Variants in ALMS1 observed in about 807,000 individuals in gnomAD.
The protein encoded by ALMS1 is ALMS1 centrosome and basal body associated protein.
ALMS1 carries 271 observed loss-of-function variants against 352.2 expected under a neutral mutation model. That is an observed-to-expected ratio of 0.77 (90% CI 0.70 to 0.85). The LOEUF is 0.85. ALMS1 is among the 40% of genes least tolerant of loss of function. ALMS1 has a pLI of 0.00. For synonymous variants in ALMS1, 1,865 were observed against 1,761.2 expected (o/e 1.06, Z -1.48); for missense variants, 5,445 against 4,870.7 (o/e 1.12, Z -3.51).
chr2:73,596,403 A>G (rs1162466500), intron 16 of ALMS1, among the ~76,000 whole-genome samples: 1 of 151,568 alleles, frequency 6.6e-6, no homozygotes, highest in Non-Finnish European at 1.5e-5. Flanking sequence ...TTTGTTGAAC[A>G]CTAATTGATC....
At chr2:73,562,490 CAGG>C (rs1467182790) in intron 15 of ALMS1, among the ~76,000 whole-genome samples, 1 of 152,014 alleles carries the variant, frequency 6.6e-6, no homozygotes, top group Non-Finnish European at 1.5e-5. Flanking sequence ...TGCTAAAAGA[CAGG>C]GGGACAGGCA....
chr2:73,486,314 C>G lies in ALMS1; in HGVS notation c.7675-3320C>G, dbSNP rs186208555. Among the ~76,000 whole-genome samples, 4 of 152,220 alleles carry G rather than the reference C, an allele frequency of 2.6e-5. No homozygotes were observed. In the East Asian group the frequency reaches 7.7e-4, roughly 29 times the overall value. On this transcript the variant is annotated intron_variant, in intron 9 of 22. Transcript: ENST00000613296. ...GTCTAGGTAGGCTTCGCTAGACTTT[C>G]ACTGACGCCGCAAGGAAGGGATAGC...
At chr2:73,605,808 A>C (rs1289475874) in intron 21 of ALMS1, among the ~76,000 whole-genome samples, 1 of 152,100 alleles carries the variant, frequency 6.6e-6, no homozygotes, top group African/African-American at 2.4e-5. Flanking sequence ...GCGCCACTGC[A>C]CACCAGCCTG....
At chr2:73,478,951 G>C in intron 9 of ALMS1, among the ~76,000 whole-genome samples, 1 of 152,026 alleles carries the variant, frequency 6.6e-6, no homozygotes, top group African/African-American at 2.4e-5. Context: ...TTGGTTTTCT[G>C]TTCCTGTGTT....
chr2:73,476,820 C>G (rs1426217245), intron 9 of ALMS1, among the ~76,000 whole-genome samples: 1 of 152,056 alleles, frequency 6.6e-6, no homozygotes, highest in African/African-American at 2.4e-5. Context: ...ATTAACCTTG[C>G]ATCAGATACA....
chr2:73,603,586 A>G (rs1675748437), intron 21 of ALMS1: 9 of 386,498 alleles, frequency 2.3e-5, no homozygotes, highest in South Asian at 1.3e-4. Flanking sequence ...TAGGCCAGGT[A>G]CGGTGGCTCA....
At chr2:73,540,535 A>C (rs1024020562) in intron 12 of ALMS1, among the ~76,000 whole-genome samples, 1 of 152,240 alleles carries the variant, frequency 6.6e-6, no homozygotes, top group Non-Finnish European at 1.5e-5. Context: ...ATTAATCTTA[A>C]ATGTAAATGG....
At chr2:73,422,705 G>T (rs1671307701) in intron 3 of ALMS1, 152 bp from the exon 4 acceptor site, 4 of 651,426 alleles carry the variant, frequency 6.1e-6, no homozygotes. Context: ...TCAATAAATG[G>T]TAGCTGCTAC....
At chr2:73,492,390 G>A (rs1302100382) in intron 10 of ALMS1, among the ~76,000 whole-genome samples, 3 of 152,190 alleles carry the variant, frequency 2.0e-5, no homozygotes, top group African/African-American at 7.2e-5. Flanking sequence ...TGAAGCAGGT[G>A]ATGATATCTC....
At chr2:73,445,539 G>T (rs1572929400) in intron 7 of ALMS1, among the ~76,000 whole-genome samples, 1 of 152,112 alleles carries the variant, frequency 6.6e-6, no homozygotes, top group Non-Finnish European at 1.5e-5. Context: ...ATGTAAAATG[G>T]AAGTATGGAA....
At chr2:73,536,064 G>A (rs772869955) in intron 12 of ALMS1, among the ~76,000 whole-genome samples, 22 of 152,130 alleles carry the variant, frequency 1.4e-4, no homozygotes, top group Non-Finnish European at 3.2e-4. Flanking sequence ...CACAAGTTAA[G>A]ATTGTTAAGT....
chr2:73,432,488 A>C (rs1387896168), intron 7 of ALMS1, among the ~76,000 whole-genome samples, 197 bp downstream of exon 7: 1 of 152,206 alleles, frequency 6.6e-6, no homozygotes, highest in Non-Finnish European at 1.5e-5. Context: ...ATGGCTTATA[A>C]ACAACAGAAA....
At chr2:73,392,448 C>G (rs1371939574) in intron 1 of ALMS1, among the ~76,000 whole-genome samples, 1 of 152,156 alleles carries the variant, frequency 6.6e-6, no homozygotes, top group Non-Finnish European at 1.5e-5. Context: ...CCATCATGAT[C>G]ACGGTCAATT....
In ALMS1 at chr2:73,469,067, A is replaced by G. The variant is rs560489857; in HGVS notation, c.7674+13772A>G. 5.4e-4 allele frequency among the ~76,000 whole-genome samples: 82 copies of G among 152,048 alleles called. 1 individual carries two copies. Among genetic ancestry groups the G allele is most frequent in the Non-Finnish European group, 1.0e-3 (68 of 67,864 alleles). On this transcript the variant is annotated intron_variant, in intron 9 of 22. Coordinates refer to ENST00000613296, the MANE Select transcript of ALMS1 (RefSeq NM_001378454.1). The stretch of plus-strand genomic sequence containing the variant: ...CCACACTGTACCCAATGATTTACTG[A>G]CTTCTCTCGGCAGAATACTGTCTCT...
At chr2:73,597,726 G>A (rs192441507) in intron 16 of ALMS1, among the ~76,000 whole-genome samples, 3 of 151,538 alleles carry the variant, frequency 2.0e-5, no homozygotes, top group Admixed American at 6.6e-5. Context: ...AATAGAGACC[G>A]CTAATAAAGG....
rs1483766765 is a variant in ALMS1, at chr2:73,448,144, A to G, written c.1617A>G (p.Gln539=). The G allele has an allele frequency of 3.3e-5, 53 of 1,613,884 alleles. No homozygotes were observed. Among genetic ancestry groups the G allele is most frequent in the Non-Finnish European group, 4.3e-5 (51 of 1,179,926 alleles). The part of the protein sequence containing the change: ...TTGQHTDTLN[Q]KTLADTHLTE... ...GTCAACACACTGATACTCTCAACCA[A>G]AAGACATTAGCAGATACTCATCTAA... The change falls in exon 8 of 23, where the codon CAA becomes CAG. Residue 539 remains glutamine, a synonymous_variant. Transcript: ENST00000613296.
chr2:73,482,810 A>T (rs559961072), intron 9 of ALMS1, among the ~76,000 whole-genome samples: 2 of 127,770 alleles, frequency 1.6e-5, no homozygotes, highest in South Asian at 2.6e-4. Flanking sequence ...GTCTTGGGAG[A>T]GTGTATGTGT....
At chr2:73,465,297 T>C (rs1366371485) in intron 9 of ALMS1, among the ~76,000 whole-genome samples, 2 of 151,998 alleles carry the variant, frequency 1.3e-5, no homozygotes, top group African/African-American at 4.8e-5. Flanking sequence ...GAGATATAGA[T>C]CAATGGAACA....
intron 6 of ALMS1, among the ~76,000 whole-genome samples, chr2:73,430,939 A>G (rs1297461292): frequency 1.3e-5 from 2 of 152,118 alleles, no homozygotes; most frequent in Non-Finnish European, 2.9e-5. Flanking sequence ...GTGTATATAT[A>G]TAGCCTGTAC....
Sources: gnomAD v4.1 joint callset for allele counts (sites outside exome capture counted in the v4.1 genomes callset) on GRCh38, gnomAD v4.1.1 for gene constraint, MANE v1.5 for transcripts, NCBI Gene and HGNC (gene_info 2026-07-23, HGNC 2026-07-21) for gene names.